SCYL1: variants seen among roughly 807,000 people sequenced by gnomAD.
SCYL1 encodes the protein N-terminal kinase-like protein.
In SCYL1, 85 loss-of-function variants were observed where a neutral mutation model predicts 94.8. The observed-to-expected ratio is 0.90, with a 90% CI of 0.75 to 1.07. The LOEUF (loss-of-function observed/expected upper bound fraction) is 1.07, where lower values mean the gene tolerates loss of function less well. Among genes scored for constraint, SCYL1 ranks in the 50% least tolerant of loss-of-function variants. The probability of loss-of-function intolerance (pLI) is 0.00; values close to 1 mark genes in which losing one functional copy is unlikely to be tolerated. For synonymous variants in SCYL1, 459 were observed against 435.5 expected (o/e 1.05, Z -0.67); for missense variants, 968 against 1,083.3 (o/e 0.89, Z 1.49).
chr11:65,525,457 C>G (rs1296670691), intron 1 of SCYL1, 117 bp from the exon 2 acceptor site: 1 of 1,313,410 alleles, frequency 7.6e-7, no homozygotes, highest in Non-Finnish European at 1.0e-6. Context: ...GCCGGGGTCA[C>G]GTGGGCCCGG....
chr11:65,537,961 C>G lies in SCYL1; in HGVS notation c.2032-6C>G. 6.2e-7 allele frequency: 1 copy of G among 1,608,212 alleles called. No individual in the cohort carries two copies. The highest frequency in any genetic ancestry group is 1.1e-5 in the South Asian group (1 of 90,090). ...AGGGCTACTTCCCCCTCCCGCTCTT[C>G]TACAGGTCAGCAACTCCGACCACAA... On this transcript the variant is annotated splice_region_variant and splice_polypyrimidine_tract_variant and intron_variant, in intron 15 of 17. Coordinates refer to ENST00000270176, the MANE Select transcript of SCYL1 (RefSeq NM_020680.4).
At chr11:65,538,249 A>C in intron 16 of SCYL1, 21 bp from the exon 17 acceptor site, 1 of 1,554,092 alleles carries the variant, frequency 6.4e-7, no homozygotes, top group Non-Finnish European at 8.7e-7. Context: ...GCCCCACTGC[A>C]GCCCACACTT....
In SCYL1 at chr11:65,526,612, G is replaced by T. The variant is rs1855096792; in HGVS notation, c.603-171G>T. 6.6e-6 allele frequency among the ~76,000 whole-genome samples: 1 copy of T among 152,140 alleles called. No individual in the cohort carries two copies. Among genetic ancestry groups the T allele is most frequent in the Admixed American group, 6.5e-5 (1 of 15,280 alleles). ...GATGTGCCTAGTTCTCTGAGGCTTGGTTTTTTTAATCTGTTAAGTGAGGCT... is the reference window on the plus strand; with the variant it reads ...GATGTGCCTAGTTCTCTGAGGCTTGTTTTTTTTAATCTGTTAAGTGAGGCT... On this transcript the variant is annotated intron_variant, in intron 4 of 17. Coordinates refer to ENST00000270176, the MANE Select transcript of SCYL1 (RefSeq NM_020680.4). The surrounding 1 kb of genome is among the most constrained non-coding windows in gnomAD (Gnocchi z 4.1).
chr11:65,533,396 T>G (rs1019162334), intron 9 of SCYL1: 1 of 153,490 alleles, frequency 6.5e-6, no homozygotes, highest in Non-Finnish European at 1.5e-5. Flanking sequence ...CACTCCAGCA[T>G]GGGCAACAAG....
Position 65,530,925 on chromosome 11 carries a change from G to C in SCYL1, c.1008+138G>C, listed in dbSNP as rs924036546. ...AGCTTCCTGCCAGTGTCTATAAACAGGTACCTGACCAGCTGTCCCCTGGGG... is the reference window on the plus strand; with the variant it reads ...AGCTTCCTGCCAGTGTCTATAAACACGTACCTGACCAGCTGTCCCCTGGGG... On this transcript the variant is annotated intron_variant, in intron 7 of 17. Coordinates refer to ENST00000270176, the MANE Select transcript of SCYL1 (RefSeq NM_020680.4). The C allele has an allele frequency of 6.5e-6, 6 of 920,522 alleles. No homozygotes were observed. In the African/African-American group the frequency reaches 8.4e-5, roughly 13 times the overall value. 57.0% of individuals were successfully genotyped at this position (920,522 alleles called of 1,614,324 possible). A position where few individuals can be genotyped will look rare whatever the true frequency, so the allele number is the denominator to read the frequency against.
intron 7 of SCYL1, 56 bp from the exon 8 acceptor site, chr11:65,531,520 C>T (rs1855361774): frequency 7.4e-7 from 1 of 1,349,428 alleles, no homozygotes; most frequent in Non-Finnish European, 1.1e-6. Context: ...TTAGATAAGC[C>T]CAGCAAAGTC....
At chr11:65,535,919 A>G (rs1855612424) in intron 10 of SCYL1, 34 bp from the exon 11 acceptor site, 5 of 1,536,188 alleles carry the variant, frequency 3.3e-6, no homozygotes, top group Non-Finnish European at 4.4e-6. Context: ...CATTGACCCT[A>G]CACTCAGGAG....
intron 14 of SCYL1, 121 bp downstream of exon 14, chr11:65,537,249 G>T: frequency 2.7e-6 from 3 of 1,098,772 alleles, no homozygotes; most frequent in Non-Finnish European, 4.0e-6. Context: ...AGCATCCCTG[G>T]CACGTAGGCC....
In SCYL1 at chr11:65,526,359, C is replaced by T; in HGVS notation, c.602+9C>T. 1 of 1,582,508 alleles carries T rather than the reference C, an allele frequency of 6.3e-7. No homozygotes were observed. The highest frequency in any genetic ancestry group is 8.6e-7 in the Non-Finnish European group (1 of 1,160,802). On this transcript the variant is annotated intron_variant, in intron 4 of 17. Transcript: ENST00000270176. This position sits in a 1 kb window ranked among gnomAD's most constrained non-coding sequence, Gnocchi z 4.1. ...GTGGTCAGAGAGAAGTGGTGGGTGA[C>T]TGGGGGCAGCGCGCCCCAACCTGCC... is the stretch of plus-strand genomic sequence containing the variant.
rs1855315946 is a variant in SCYL1, at chr11:65,530,659, T to C, written c.880T>C (p.Phe294Leu). The C allele has an allele frequency of 6.2e-7, 1 of 1,613,686 alleles. No individual in the cohort carries two copies. The highest frequency in any genetic ancestry group is 1.7e-5 in the Admixed American group (1 of 59,922). Residue 294 changes from phenylalanine (F) to leucine (L), a missense_variant, in exon 7 of 18, where the codon TTC becomes CTC. This residue lies in a region of SCYL1 where 494 missense variants were observed against 619.7 expected (regional missense o/e 0.80). Coordinates refer to ENST00000270176, the MANE Select transcript of SCYL1 (RefSeq NM_020680.4). Reference sequence around the variant, plus strand: ...AGAGCCAGCCGAGAAGCAAAAATTCTTCCAGGAGCTGAGCAAGAGCCTGGA... The same window carrying C: ...AGAGCCAGCCGAGAAGCAAAAATTCCTCCAGGAGCTGAGCAAGAGCCTGGA... ...IKEPAEKQKF[F>L]QELSKSLDAF...
chr11:65,528,437 C>T (rs1010153205), intron 6 of SCYL1, among the ~76,000 whole-genome samples: 13 of 140,748 alleles, frequency 9.2e-5, no homozygotes, highest in South Asian at 2.3e-4. Context: ...AGCAAATCTC[C>T]GTCTCAAAAC....
Position 65,538,382 on chromosome 11 carries a change from C to T in SCYL1, c.2302+58C>T, listed in dbSNP as rs1037738916. On this transcript the variant is annotated intron_variant, in intron 17 of 17. Coordinates refer to ENST00000270176, the MANE Select transcript of SCYL1 (RefSeq NM_020680.4). Reference sequence around the variant, plus strand: ...GGGCTCCCCGACTAGCCCGCCCCTACAGGCCCCCGGCAGGCACTGGCTGGA... The same window carrying T: ...GGGCTCCCCGACTAGCCCGCCCCTATAGGCCCCCGGCAGGCACTGGCTGGA... The T allele has an allele frequency of 4.5e-6, 7 of 1,539,446 alleles. No homozygotes were observed. The African/African-American group carries it at 9.6e-5, about 21-fold the overall frequency.
chr11:65,538,209 G>A (rs1211359985), intron 16 of SCYL1, 27 bp downstream of exon 16: 2 of 1,561,650 alleles, frequency 1.3e-6, no homozygotes, highest in South Asian at 1.2e-5. Flanking sequence ...TGGCGAGAGG[G>A]TAGAGATGGT....
chr11:65,538,650 C>T lies in SCYL1; in HGVS notation c.*84C>T. The T allele has an allele frequency of 4.1e-6, 6 of 1,453,220 alleles. No homozygotes were observed. The highest frequency in any genetic ancestry group is 4.6e-6 in the Non-Finnish European group (5 of 1,083,334). 90.0% of individuals were successfully genotyped at this position (1,453,220 alleles called of 1,614,324 possible). ...ACAAACCATGTGAGCCCGGCCGGCC[C>T]AGCCAGGCCATCTCACGTGTACATA... On this transcript the variant is annotated 3_prime_UTR_variant, in exon 18 of 18. Coordinates refer to ENST00000270176, the MANE Select transcript of SCYL1 (RefSeq NM_020680.4).
chr11:65,528,928 G>A (rs1411482503), intron 6 of SCYL1, among the ~76,000 whole-genome samples: 1 of 152,214 alleles, frequency 6.6e-6, no homozygotes, highest in Admixed American at 6.5e-5. Flanking sequence ...GCGACAGCAC[G>A]TGGAGAGATA....
At position 65,535,488 on chromosome 11, in the gene SCYL1, TA is replaced by T. The variant is rs1288387686; in HGVS notation, c.1386+107del. Reference sequence around the variant, plus strand: ...GGGGGCCTTCATTCTCCCAGAGACTTAGACCCTGCACGCTGTTGGCCCCATA... The same window carrying T: ...GGGGGCCTTCATTCTCCCAGAGACTTGACCCTGCACGCTGTTGGCCCCATA... On this transcript the variant is annotated intron_variant, in intron 10 of 17. Transcript: ENST00000270176. 4.2e-6 allele frequency: 6 copies of T among 1,420,438 alleles called. No homozygotes were observed. In the African/African-American group the frequency reaches 7.1e-5, roughly 17 times the overall value. 88.0% of individuals were successfully genotyped at this position (1,420,438 alleles called of 1,614,324 possible). A position where few individuals can be genotyped will look rare whatever the true frequency, so the allele number is the denominator to read the frequency against.
chr11:65,530,593 T>C, intron 6 of SCYL1, 36 bp from the exon 7 acceptor site: 1 of 1,593,924 alleles, frequency 6.3e-7, no homozygotes, highest in Non-Finnish European at 8.6e-7. Flanking sequence ...GCAACCAGGC[T>C]GATCTCTTCC....
At chr11:65,525,396 G>T in intron 1 of SCYL1, 132 bp downstream of exon 1, 1 of 1,033,206 alleles carries the variant, frequency 9.7e-7, no homozygotes, top group Admixed American at 3.2e-5. Flanking sequence ...GAGGGGGCGG[G>T]CAGTGCCTAC....
At chr11:65,525,808 C>A in intron 2 of SCYL1, 94 bp downstream of exon 2, 1 of 1,579,770 alleles carries the variant, frequency 6.3e-7, no homozygotes, top group Non-Finnish European at 8.6e-7. Context: ...CCCTATGTGC[C>A]CCAGCACCCC....
Sources: gnomAD v4.1 joint callset for allele counts (sites outside exome capture counted in the v4.1 genomes callset) on GRCh38, gnomAD v4.1.1 for gene constraint, gnomAD v4.1.1 regional missense constraint, Gnocchi (gnomAD v3.1) non-coding constraint, MANE v1.5 for transcripts, NCBI Gene and HGNC (gene_info 2026-07-23, HGNC 2026-07-21) for gene names.